Variants in SMURF2 observed in about 807,000 individuals in gnomAD.
SMURF2 encodes the protein E3 ubiquitin-protein ligase SMURF2.
Under a neutral mutation model 109.6 loss-of-function variants are expected in SMURF2, and 48 were observed. The observed-to-expected ratio is 0.44, with a 90% CI of 0.35 to 0.56. SMURF2 has a LOEUF of 0.56. SMURF2 is among the 20% of genes least tolerant of loss of function. SMURF2 has a pLI of 0.01. For synonymous variants in SMURF2, 288 were observed against 317.1 expected, an observed-to-expected ratio of 0.91 and a Z score of 0.97; for missense variants, 575 against 909.0, an observed-to-expected ratio of 0.63 and a Z score of 4.72.
chr17:64,653,354 T>C (rs1289230735), intron 1 of SMURF2, among the ~76,000 whole-genome samples: 2 of 152,082 alleles, frequency 1.3e-5, no homozygotes, highest in Non-Finnish European at 1.5e-5. Context: ...TATCTGTACC[T>C]ACCAATTAGA....
intron 1 of SMURF2, among the ~76,000 whole-genome samples, chr17:64,624,587 TGAGGCTGGAG>T (rs140823763): frequency 0.027 from 4,139 of 151,552 alleles, 157 homozygotes; most frequent in African/African-American, 0.095. Context: ...CTCAAGAGGC[TGAGGCTGGAG>T]GACTGCTTGA....
chr17:64,660,068 TTAATTA>T (rs1240938579), intron 1 of SMURF2, among the ~76,000 whole-genome samples: 6 of 152,194 alleles, frequency 3.9e-5, no homozygotes, highest in Admixed American at 6.5e-5. Context: ...TTAATAAACT[TTAATTA>T]TAAATTCTTA....
rs1555687843 is a variant in SMURF2, at chr17:64,593,447, G to A, written c.327C>T (p.Asp109=). Residue 109 remains aspartate, a synonymous_variant, in exon 4 of 19, where the codon GAC becomes GAT. Transcript: ENST00000262435. ...GCACTCGTATCTACTCACAACCAGTGTCTTTGAGGCGGTTGATGGCATTGG... is the reference window on the plus strand; with the variant it reads ...GCACTCGTATCTACTCACAACCAGTATCTTTGAGGCGGTTGATGGCATTGG... ...LLSNAINRLK[D]TGYQRLDLCK... 6.2e-6 allele frequency: 10 copies of A among 1,607,558 alleles called. 1 individual carries two copies. The highest frequency in any genetic ancestry group is 5.1e-5 in the Admixed American group (3 of 59,386).
intron 6 of SMURF2, among the ~76,000 whole-genome samples, chr17:64,584,707 G>C: frequency 6.6e-6 from 1 of 152,208 alleles, no homozygotes; most frequent in Non-Finnish European, 1.5e-5. Context: ...TAATGAAAAA[G>C]AGCCAAATGA....
intron 1 of SMURF2, among the ~76,000 whole-genome samples, chr17:64,633,933 GATCA>G (rs1970380770): frequency 6.6e-6 from 1 of 152,168 alleles, no homozygotes; most frequent in African/African-American, 2.4e-5. Flanking sequence ...GAGGTGGGCA[GATCA>G]CCTGAGGTCA....
intron 10 of SMURF2, among the ~76,000 whole-genome samples, chr17:64,569,264 G>A (rs1233875356): frequency 6.6e-6 from 1 of 151,614 alleles, no homozygotes; most frequent in Non-Finnish European, 1.5e-5. Context: ...TCACGCCATT[G>A]TACTCCAGCC....
chr17:64,598,724 A>C (rs1555688309), intron 2 of SMURF2, among the ~76,000 whole-genome samples: 1 of 152,238 alleles, frequency 6.6e-6, no homozygotes, highest in East Asian at 1.9e-4. Context: ...TTAAACTACC[A>C]AAATCTAGAG....
At chr17:64,606,780 G>A (rs1031161325) in intron 1 of SMURF2, 140 bp from the exon 2 acceptor site, 10 of 564,788 alleles carry the variant, frequency 1.8e-5, no homozygotes, top group South Asian at 2.5e-5. Context: ...ACAAACTTTC[G>A]AACTAGCAAA....
chr17:64,604,859 G>T (rs529368497), intron 2 of SMURF2, among the ~76,000 whole-genome samples: 3 of 151,650 alleles, frequency 2.0e-5, no homozygotes, highest in Non-Finnish European at 4.4e-5. Context: ...CAGGAGAATC[G>T]CTTGAACCCG....
In SMURF2 at chr17:64,557,748, A is replaced by T. The variant is rs782731530; in HGVS notation, c.1317-26T>A. ...CTAGAAAACAAGATATGACCAAGGA[A>T]TTTTTTTGTTAATGTATACATTTTT... is the stretch of plus-strand genomic sequence containing the variant. On this transcript the variant is annotated intron_variant, in intron 12 of 18. Transcript: ENST00000262435. 7 of 1,373,594 alleles carry T rather than the reference A, an allele frequency of 5.1e-6. No homozygotes were observed. The East Asian group carries it at 9.2e-5, about 18-fold the overall frequency. 85.1% of individuals were successfully genotyped at this position (1,373,594 alleles called of 1,614,324 possible).
intron 15 of SMURF2, among the ~76,000 whole-genome samples, chr17:64,552,206 T>C (rs1477337387): frequency 6.6e-6 from 1 of 152,158 alleles, no homozygotes; most frequent in Non-Finnish European, 1.5e-5. Context: ...TAAAAGCCAA[T>C]AGCAAGCACT....
chr17:64,629,403 C>T (rs1160228947), intron 1 of SMURF2, among the ~76,000 whole-genome samples: 2 of 152,072 alleles, frequency 1.3e-5, no homozygotes, highest in South Asian at 4.1e-4. Flanking sequence ...ACCTGGAAGG[C>T]TAAGGCAAAA....
chr17:64,646,106 G>A (rs895586342), intron 1 of SMURF2, among the ~76,000 whole-genome samples: 7 of 149,988 alleles, frequency 4.7e-5, no homozygotes. Context: ...CCGCTCTGTT[G>A]CCTAGGCTGG....
At chr17:64,568,139 C>T (rs1327973627) in intron 10 of SMURF2, among the ~76,000 whole-genome samples, 1 of 151,948 alleles carries the variant, frequency 6.6e-6, no homozygotes, top group African/African-American at 2.4e-5. Context: ...CAGGTGTGGG[C>T]CACCGCGCCT....
At chr17:64,614,842 G>A (rs1555689965) in intron 1 of SMURF2, among the ~76,000 whole-genome samples, 1 of 152,172 alleles carries the variant, frequency 6.6e-6, no homozygotes. Context: ...AGAGCTCACA[G>A]GTCAGGTATA....
chr17:64,561,453 G>C (rs369487311), intron 12 of SMURF2, 47 bp downstream of exon 12: 2 of 1,281,456 alleles, frequency 1.6e-6, no homozygotes, highest in East Asian at 2.3e-5. Flanking sequence ...GCTTAAATTT[G>C]TAAGTACAAA....
chr17:64,612,163 T>C (rs533442105), intron 1 of SMURF2, among the ~76,000 whole-genome samples: 6 of 152,152 alleles, frequency 3.9e-5, no homozygotes, highest in Non-Finnish European at 8.8e-5. Context: ...TTTGGAATGT[T>C]GCTTATAATT....
chr17:64,649,303 C>G (rs2144731693), intron 1 of SMURF2, among the ~76,000 whole-genome samples: 1 of 152,244 alleles, frequency 6.6e-6, no homozygotes, highest in South Asian at 2.1e-4. Context: ...ATACCCCCAT[C>G]TACTGGCAAG....
chr17:64,662,253 C>T lies in SMURF2; in HGVS notation c.-373G>A. On this transcript the variant is annotated 5_prime_UTR_variant, in exon 1 of 19. Coordinates refer to ENST00000262435, the MANE Select transcript of SMURF2 (RefSeq NM_022739.4). Reference sequence around the variant, plus strand: ...GGCTGAAGCGGGCGGTGCTCGGGGGCGCCGGAGCAGAACTCTGGGCTCGGC... The same window carrying T: ...GGCTGAAGCGGGCGGTGCTCGGGGGTGCCGGAGCAGAACTCTGGGCTCGGC... 1 of 983,310 alleles carries T rather than the reference C, an allele frequency of 1.0e-6. No individual in the cohort carries two copies. Among genetic ancestry groups the T allele is most frequent in the Non-Finnish European group, 1.2e-6 (1 of 829,170 alleles). 60.9% of individuals were successfully genotyped at this position (983,310 alleles called of 1,614,324 possible).
Sources: gnomAD v4.1 joint callset for allele counts (sites outside exome capture counted in the v4.1 genomes callset) on GRCh38, gnomAD v4.1.1 for gene constraint, MANE v1.5 for transcripts, NCBI Gene and HGNC (gene_info 2026-07-23, HGNC 2026-07-21) for gene names.